CNTLN: variants seen among roughly 807,000 people sequenced by gnomAD.
CNTLN encodes the protein centlein, centrosomal protein.
Under a neutral mutation model 180.0 loss-of-function variants are expected in CNTLN, and 212 were observed. The ratio of observed to expected loss-of-function variants is 1.18; its 90% CI spans 1.05 to 1.32. CNTLN has a LOEUF of 1.32. CNTLN is among the 40% of genes most tolerant of loss of function. The pLI is 0.00. For missense variants in CNTLN, 2,095 were observed against 1,610.9 expected, an observed-to-expected ratio of 1.30 and a Z score of -5.14; for synonymous variants, 722 against 563.1, an observed-to-expected ratio of 1.28 and a Z score of -3.99.
At chr9:17,346,219 A>G (rs1301716456) in intron 12 of CNTLN, among the ~76,000 whole-genome samples, 2 of 152,120 alleles carry the variant, frequency 1.3e-5, no homozygotes, top group African/African-American at 4.8e-5. Context: ...ATATAAAACC[A>G]TCAGATCTCA....
chr9:17,163,916 G>A lies in CNTLN; in HGVS notation c.449+20540G>A, dbSNP rs140357610. Among the ~76,000 whole-genome samples the A allele has an allele frequency of 3.9e-3, 598 of 151,888 alleles. 5 individuals carry two copies. Among genetic ancestry groups the A allele is most frequent in the African/African-American group, 0.014 (561 of 41,374 alleles). On this transcript the variant is annotated intron_variant, in intron 2 of 25. Transcript: ENST00000380647. The stretch of plus-strand genomic sequence containing the variant: ...CATCTATAGTTTCAGCTACTTGGGA[G>A]GCTGAGGTGGGAGGATAGCTTGAGC...
chr9:17,315,755 C>T (rs1288799498), intron 8 of CNTLN, among the ~76,000 whole-genome samples: 1 of 151,698 alleles, frequency 6.6e-6, no homozygotes, highest in Admixed American at 6.6e-5. Flanking sequence ...GATGTTTTAC[C>T]CATCTATATT....
chr9:17,400,261 C>T lies in CNTLN; in HGVS notation c.2615+5192C>T, dbSNP rs183106237. ...CAAGCGATTCTCCTGCCTCAGCCTC[C>T]TGCGTAGCTGGGAATACCGGCGCAC... On this transcript the variant is annotated intron_variant, in intron 15 of 25. Coordinates refer to ENST00000380647, the MANE Select transcript of CNTLN (RefSeq NM_017738.4). Among the ~76,000 whole-genome samples, 178 of 152,222 alleles carry T rather than the reference C, an allele frequency of 1.2e-3. 1 individual carries two copies. The highest frequency in any genetic ancestry group is 4.1e-3 in the African/African-American group (170 of 41,544).
chr9:17,210,651 G>T (rs943070638), intron 2 of CNTLN, among the ~76,000 whole-genome samples: 4 of 152,138 alleles, frequency 2.6e-5, no homozygotes, highest in Non-Finnish European at 5.9e-5. Context: ...TTCCACAATG[G>T]TTAAACTAGT....
chr9:17,526,809 C>G, the CNTLN span, among the ~76,000 whole-genome samples: 43 of 151,974 alleles, frequency 2.8e-4, no homozygotes, highest in African/African-American at 1.0e-3. Context: ...AACTCTTTAA[C>G]AAAAATGCTT....
intron 13 of CNTLN, among the ~76,000 whole-genome samples, chr9:17,380,021 T>G (rs941410518): frequency 6.6e-6 from 1 of 152,206 alleles, no homozygotes; most frequent in Non-Finnish European, 1.5e-5. Flanking sequence ...GGTGTATGAA[T>G]AGCTGCTCGA....
chr9:17,528,328 C>T, the CNTLN span, among the ~76,000 whole-genome samples: 2 of 152,224 alleles, frequency 1.3e-5, no homozygotes, highest in Non-Finnish European at 2.9e-5. Context: ...CCTTCACATG[C>T]TGTGATGAAA....
intron 23 of CNTLN, among the ~76,000 whole-genome samples, chr9:17,478,522 G>A (rs1323321903): frequency 6.6e-6 from 1 of 150,882 alleles, no homozygotes; most frequent in African/African-American, 2.4e-5. Context: ...TCTTGTAGGA[G>A]TTTTTTCTTT....
intron 2 of CNTLN, among the ~76,000 whole-genome samples, chr9:17,224,984 C>G (rs1824373862): frequency 6.6e-6 from 1 of 151,412 alleles, no homozygotes; most frequent in South Asian, 2.1e-4. Context: ...ACGTCCTTAA[C>G]TAATGCCTAT....
downstream of CNTLN, among the ~76,000 whole-genome samples, chr9:17,505,470 G>A (rs1833917051): frequency 6.6e-6 from 1 of 152,072 alleles, no homozygotes; most frequent in South Asian, 2.1e-4. Context: ...GAAAGATTGT[G>A]TTTCTATACA....
intron 2 of CNTLN, among the ~76,000 whole-genome samples, chr9:17,165,052 C>T (rs891276890): frequency 1.3e-5 from 2 of 151,604 alleles, no homozygotes; most frequent in Admixed American, 6.6e-5. Flanking sequence ...GTTGGCCAGG[C>T]TGGTCTTGAA....
At chr9:17,424,262 G>A (rs1433216195) in intron 18 of CNTLN, among the ~76,000 whole-genome samples, 1 of 152,120 alleles carries the variant, frequency 6.6e-6, no homozygotes, top group African/African-American at 2.4e-5. Flanking sequence ...AATAGGGTAA[G>A]GCAGACTATA....
intron 23 of CNTLN, among the ~76,000 whole-genome samples, chr9:17,469,172 G>A (rs1358796848): frequency 6.6e-6 from 1 of 151,696 alleles, no homozygotes; most frequent in East Asian, 1.9e-4. Context: ...AGTTAACGAA[G>A]TGATTATTAT....
chr9:17,277,668 A>C (rs1828397044), intron 6 of CNTLN, among the ~76,000 whole-genome samples: 2 of 152,154 alleles, frequency 1.3e-5, no homozygotes, highest in African/African-American at 4.8e-5. Flanking sequence ...TAAACTAATA[A>C]GTTTATCATG....
rs545822325 is a variant in CNTLN at position 17,356,833 on chromosome 9, G to A, written c.1887-9784G>A. On this transcript the variant is annotated intron_variant, in intron 12 of 25. Coordinates refer to ENST00000380647, the MANE Select transcript of CNTLN (RefSeq NM_017738.4). ...TAATATGAAGATAAAGCTCTTCTAT[G>A]CGTTTCCATTTTTATGTTTTTCCCC... 2.6e-5 allele frequency among the ~76,000 whole-genome samples: 4 copies of A among 152,108 alleles called. No homozygotes were observed. In the East Asian group the frequency reaches 7.7e-4, roughly 29 times the overall value.
chr9:17,254,279 G>A (rs562752202), intron 5 of CNTLN, among the ~76,000 whole-genome samples: 1 of 151,460 alleles, frequency 6.6e-6, no homozygotes, highest in South Asian at 2.1e-4. Context: ...TTTCAATTTT[G>A]AGGTAGTACC....
rs536543728 is a variant in CNTLN, at chr9:17,278,794, C to G, written c.983+4928C>G. Among the ~76,000 whole-genome samples, 80 of 152,162 alleles carry G rather than the reference C, an allele frequency of 5.3e-4. No homozygotes were observed. The Middle Eastern group carries it at 0.01, about 20-fold the overall frequency. ...AAAACGTTAGACTAAAAATGCATCC[C>G]TAGAGAATTAACAGCCATAAAATTC... On this transcript the variant is annotated intron_variant, in intron 6 of 25. Coordinates refer to ENST00000380647, the MANE Select transcript of CNTLN (RefSeq NM_017738.4).
intron 23 of CNTLN, among the ~76,000 whole-genome samples, chr9:17,470,241 A>G (rs1831981898): frequency 6.6e-6 from 1 of 151,858 alleles, no homozygotes; most frequent in Non-Finnish European, 1.5e-5. Flanking sequence ...TACTGGACTT[A>G]TAGTCACTGC....
chr9:17,277,131 A>AAT lies in CNTLN; in HGVS notation c.983+3268_983+3269dup, dbSNP rs531741736. ...GTTCATAGTCATTTATATTTTATTG[A>AAT]ATATTTGATCCCTGTCACCCATTGT... On this transcript the variant is annotated intron_variant, in intron 6 of 25. Transcript: ENST00000380647. 1.2e-3 allele frequency among the ~76,000 whole-genome samples: 93 copies of AAT among 77,548 alleles called. 22 individuals carry two copies. The highest frequency in any genetic ancestry group is 3.6e-3 in the African/African-American group (67 of 18,858). The allele number at this position is 77,548 out of a possible 152,430, so 50.9% of individuals were successfully genotyped here.
Sources: gnomAD v4.1 joint callset for allele counts (sites outside exome capture counted in the v4.1 genomes callset) on GRCh38, gnomAD v4.1.1 for gene constraint, MANE v1.5 for transcripts, NCBI Gene and HGNC (gene_info 2026-07-23, HGNC 2026-07-21) for gene names.